Variants in ECHDC3 observed in about 807,000 individuals in gnomAD.
ECHDC3 encodes enoyl-CoA hydratase domain-containing protein 3, mitochondrial.
ECHDC3 carries 20 observed loss-of-function variants against 17.9 expected under a neutral mutation model. The observed-to-expected ratio is 1.12, with a 90% CI of 0.79 to 1.63. The LOEUF is 1.63. Ranked by LOEUF, ECHDC3 falls within the 40% of genes most tolerant of loss-of-function variation. The probability of loss-of-function intolerance (pLI) is 0.00; values close to 1 mark genes in which losing one functional copy is unlikely to be tolerated. For missense variants in ECHDC3, 407 were observed against 357.7 expected (o/e 1.14, Z -1.11); for synonymous variants, 177 against 149.7 (o/e 1.18, Z -1.33).
At chr10:11,750,153 G>A (rs1327012165) in intron 3 of ECHDC3, among the ~76,000 whole-genome samples, 1 of 152,118 alleles carries the variant, frequency 6.6e-6, no homozygotes. Context: ...TTATACCAAA[G>A]AAAGTGGAAT....
intron 1 of ECHDC3, among the ~76,000 whole-genome samples, chr10:11,743,666 C>T (rs996748284): frequency 6.6e-6 from 1 of 152,230 alleles, no homozygotes; most frequent in Non-Finnish European, 1.5e-5. Flanking sequence ...TCCAGGGTCT[C>T]AGTAATGGCC....
At chr10:11,757,921 A>T (rs1304924475) in intron 4 of ECHDC3, among the ~76,000 whole-genome samples, 1 of 152,282 alleles carries the variant, frequency 6.6e-6, no homozygotes. Flanking sequence ...GTCTTTGCTG[A>T]TTGTGCGCAT....
intron 4 of ECHDC3, among the ~76,000 whole-genome samples, chr10:11,760,620 C>T (rs1405956880): frequency 1.3e-5 from 2 of 152,150 alleles, no homozygotes; most frequent in Non-Finnish European, 2.9e-5. Flanking sequence ...GTTTTTCAGG[C>T]TTGGCCACTT....
Position 11,742,709 on chromosome 10 carries a change from C to G in ECHDC3, c.133C>G (p.Pro45Ala). Residue 45 changes from proline (P) to alanine (A), a missense_variant, in exon 1 of 5, where the codon CCG becomes GCG. By Grantham distance (27) the Pro-to-Ala change is conservative. Coordinates refer to ENST00000379215, the MANE Select transcript of ECHDC3 (RefSeq NM_024693.5). The stretch of plus-strand genomic sequence containing the variant: ...CGGGGCGGGGCGGCGGGAGTCGGAG[C>G]CGCGGCCCACCAGCGCGCGGCAGCT... ...PAGAGRRESE[P>A]RPTSARQLDG... The G allele has an allele frequency of 8.1e-7, 1 of 1,237,754 alleles. No individual in the cohort carries two copies. 76.7% of individuals were successfully genotyped at this position (1,237,754 alleles called of 1,614,324 possible).
intron 3 of ECHDC3, among the ~76,000 whole-genome samples, chr10:11,750,929 A>G (rs1302380313): frequency 1.3e-5 from 2 of 152,164 alleles, no homozygotes; most frequent in Non-Finnish European, 2.9e-5. Flanking sequence ...ACCCATAAAG[A>G]GATCAGGTTA....
chr10:11,759,183 G>A lies in ECHDC3; in HGVS notation c.591+3575G>A, dbSNP rs374206391. 1.7e-3 allele frequency among the ~76,000 whole-genome samples: 251 copies of A among 152,104 alleles called. 1 individual carries two copies. Among genetic ancestry groups the A allele is most frequent in the African/African-American group, 5.9e-3 (245 of 41,504 alleles). The stretch of plus-strand genomic sequence containing the variant: ...AACCTGGCCAACATGGCGAAACCTC[G>A]TCTCTACTAAAAATACAAAAATTAG... On this transcript the variant is annotated intron_variant, in intron 4 of 4. Transcript: ENST00000379215.
rs543879294 is a variant in ECHDC3 at position 11,742,442 on chromosome 10, C to A, written c.-135C>A. 2.2e-4 allele frequency: 200 copies of A among 907,958 alleles called. 2 individuals are homozygous for A. The African/African-American group carries it at 3.4e-3, about 15-fold the overall frequency. 56.2% of individuals were successfully genotyped at this position (907,958 alleles called of 1,614,324 possible). A position where few individuals can be genotyped will look rare whatever the true frequency, so the allele number is the denominator to read the frequency against. ...CGAAGCCTGGGCCTGTCAGGCGGTT[C>A]CGTCCGGGTCTCGGCCACCGTCGAG... On this transcript the variant is annotated 5_prime_UTR_variant, in exon 1 of 5. Coordinates refer to ENST00000379215, the MANE Select transcript of ECHDC3 (RefSeq NM_024693.5).
chr10:11,763,392 AC>A lies in ECHDC3; in HGVS notation c.762del (p.Phe255SerfsTer86), dbSNP rs1832976934. 2 of 782,530 alleles carry A rather than the reference AC, an allele frequency of 2.6e-6. No individual in the cohort carries two copies. Among genetic ancestry groups the A allele is most frequent in the Admixed American group, 3.4e-5 (2 of 59,024 alleles). 48.5% of individuals were successfully genotyped at this position (782,530 alleles called of 1,614,324 possible). The part of the protein sequence containing the change: ...SRPVVSLGKA[T>X]FYKQLPQDLG... ...TCCGGTGGTGTCCCTGGGCAAAGCC[AC>A]CTTCTACAAGCAGCTGCCCCAGGAC... On this transcript the variant is annotated frameshift_variant, in exon 5 of 5. Coordinates refer to ENST00000379215, the MANE Select transcript of ECHDC3 (RefSeq NM_024693.5). LOFTEE classifies it high-confidence loss of function. The surrounding 1 kb of genome is among the most constrained non-coding windows in gnomAD (Gnocchi z 4.9).
At chr10:11,752,545 C>T (rs1832838491) in intron 3 of ECHDC3, among the ~76,000 whole-genome samples, 3 of 151,958 alleles carry the variant, frequency 2.0e-5, no homozygotes. Context: ...TAATATTTTG[C>T]TGTATTTCCT....
Position 11,763,445 on chromosome 10 carries a change from C to G in ECHDC3, c.813C>G (p.Ser271=), listed in dbSNP as rs867300358. ...TGGGGACGGCTTACTACCTCACCTC[C>G]CAGGCCATGGTGGACAACCTGGCCC... ...QDLGTAYYLT[S]QAMVDNLALR... is the part of the protein sequence containing the mutation. The change falls in exon 5 of 5, where the codon TCC becomes TCG. Residue 271 remains serine, a synonymous_variant. Coordinates refer to ENST00000379215, the MANE Select transcript of ECHDC3 (RefSeq NM_024693.5). This position sits in a 1 kb window ranked among gnomAD's most constrained non-coding sequence, Gnocchi z 4.9. The G allele has an allele frequency of 7.8e-6, 7 of 895,350 alleles. No individual in the cohort carries two copies. The highest frequency in any genetic ancestry group is 1.3e-5 in the Non-Finnish European group (7 of 534,060). The allele number at this position is 895,350 out of a possible 1,614,324, so 55.5% of individuals were successfully genotyped here.
chr10:11,761,440 C>T (rs1417827211), intron 4 of ECHDC3, among the ~76,000 whole-genome samples: 1 of 152,212 alleles, frequency 6.6e-6, no homozygotes, highest in Non-Finnish European at 1.5e-5. Context: ...CTGATGCCTC[C>T]CCTGTGTGTG....
At chr10:11,749,772 C>A (rs1232386934) in intron 3 of ECHDC3, among the ~76,000 whole-genome samples, 180 bp downstream of exon 3, 1 of 107,426 alleles carries the variant, frequency 9.3e-6, no homozygotes, top group South Asian at 3.3e-4. Flanking sequence ...TTGGTTTAGA[C>A]CTTTTTTTTT....
rs1171340390 is a variant in ECHDC3, at chr10:11,742,444, G to A, written c.-133G>A. On this transcript the variant is annotated 5_prime_UTR_variant, in exon 1 of 5. Transcript: ENST00000379215. ...AAGCCTGGGCCTGTCAGGCGGTTCC[G>A]TCCGGGTCTCGGCCACCGTCGAGTT... The A allele has an allele frequency of 7.5e-6, 7 of 937,936 alleles. No homozygotes were observed. In the African/African-American group the frequency reaches 8.7e-5, roughly 12 times the overall value. The allele number at this position is 937,936 out of a possible 1,614,324, so 58.1% of individuals were successfully genotyped here.
chr10:11,763,558 A>G lies in ECHDC3; in HGVS notation c.*14A>G. 1 of 1,488,536 alleles carries G rather than the reference A, an allele frequency of 6.7e-7. No homozygotes were observed. Among genetic ancestry groups the G allele is most frequent in the African/African-American group, 1.4e-5 (1 of 72,432 alleles). The allele number at this position is 1,488,536 out of a possible 1,614,324, so 92.2% of individuals were successfully genotyped here. On this transcript the variant is annotated 3_prime_UTR_variant, in exon 5 of 5. Coordinates refer to ENST00000379215, the MANE Select transcript of ECHDC3 (RefSeq NM_024693.5). The surrounding 1 kb of genome is among the most constrained non-coding windows in gnomAD (Gnocchi z 4.9). ...GAGCCAGTGTGAGTGGAGGCAGAGG[A>G]GTGAGGCCCACGGGCAGCGCCCAGG...
rs1173930130 is a variant in ECHDC3 at position 11,763,171 on chromosome 10, G to C, written c.592-53G>C. ...ATTGAGCCGAGGCGGGACTCAGGTGGCGGGGGCGGGTCACAGGAGAGCACC... is the reference window on the plus strand; with the variant it reads ...ATTGAGCCGAGGCGGGACTCAGGTGCCGGGGGCGGGTCACAGGAGAGCACC... On this transcript the variant is annotated intron_variant, in intron 4 of 4. Transcript: ENST00000379215. This position sits in a 1 kb window ranked among gnomAD's most constrained non-coding sequence, Gnocchi z 4.9. 7.3e-6 allele frequency: 5 copies of C among 688,274 alleles called. No homozygotes were observed. The highest frequency in any genetic ancestry group is 1.3e-5 in the Non-Finnish European group (5 of 373,060). The allele number at this position is 688,274 out of a possible 1,614,324, so 42.6% of individuals were successfully genotyped here.
intron 3 of ECHDC3, among the ~76,000 whole-genome samples, chr10:11,752,922 C>T (rs199636883): frequency 2.6e-5 from 4 of 152,192 alleles, no homozygotes; most frequent in South Asian, 2.1e-4. Flanking sequence ...GCATCCTAGT[C>T]GATGTAGTTT....
chr10:11,752,572 A>C (rs1173028265), intron 3 of ECHDC3, among the ~76,000 whole-genome samples: 1 of 152,168 alleles, frequency 6.6e-6, no homozygotes, highest in East Asian at 1.9e-4. Flanking sequence ...TCATTTTTCC[A>C]TGTGAACCTG....
chr10:11,760,217 G>T (rs113165185), intron 4 of ECHDC3, among the ~76,000 whole-genome samples: 1 of 152,168 alleles, frequency 6.6e-6, no homozygotes, highest in Non-Finnish European at 1.5e-5. Context: ...GTACCCGAGC[G>T]TGCTGGCTGC....
chr10:11,757,323 T>A (rs1198499469), intron 4 of ECHDC3, among the ~76,000 whole-genome samples: 2 of 152,206 alleles, frequency 1.3e-5, no homozygotes, highest in Non-Finnish European at 2.9e-5. Flanking sequence ...AACTTAACGC[T>A]AGACCATATT....
Sources: allele counts gnomAD v4.1 joint callset (sites outside exome capture counted in the v4.1 genomes callset), GRCh38; gene constraint gnomAD v4.1.1; non-coding constraint Gnocchi (gnomAD v3.1); transcripts MANE v1.5; gene names NCBI Gene and HGNC (gene_info 2026-07-23, HGNC 2026-07-21).